ROBO2: variants seen among roughly 807,000 people sequenced by gnomAD.
ROBO2 encodes roundabout guidance receptor 2.
A neutral mutation model predicts 160.8 loss-of-function variants in ROBO2; 53 were observed. The observed-to-expected ratio is 0.33, with a 90% CI of 0.26 to 0.41. The LOEUF (loss-of-function observed/expected upper bound fraction) is 0.41. Among genes scored for constraint, ROBO2 ranks in the 10% least tolerant of loss-of-function variants. The pLI is 1.00. For missense variants in ROBO2, 1,577 were observed against 1,722.4 expected, an observed-to-expected ratio of 0.92 and a Z score of 1.49; for synonymous variants, 664 against 611.7, an observed-to-expected ratio of 1.09 and a Z score of -1.26.
exon 26 of ROBO2, chr3:77,646,461 A>G (rs2095413457): frequency 6.2e-6 from 1 of 162,498 alleles, no homozygotes; most frequent in South Asian, 2.0e-4. Context: ...TTAACTTTTA[A>G]TTGTGTAACT....
chr3:76,811,905 C>G (rs1217270117), intron 2 of ROBO2, among the ~76,000 whole-genome samples: 2 of 146,812 alleles, frequency 1.4e-5, no homozygotes, highest in African/African-American at 5.1e-5. Flanking sequence ...GGGTCTCATT[C>G]TGTATCCCAC....
At chr3:76,862,802 A>G (rs1358067556) in intron 2 of ROBO2, among the ~76,000 whole-genome samples, 4 of 152,100 alleles carry the variant, frequency 2.6e-5, no homozygotes, top group African/African-American at 9.7e-5. Flanking sequence ...ATCAATATAG[A>G]TTAAAAACAA....
chr3:76,335,180 T>G (rs953889675), intron 2 of ROBO2, among the ~76,000 whole-genome samples: 2 of 34,222 alleles, frequency 5.8e-5, no homozygotes, highest in Non-Finnish European at 1.1e-4. Context: ...TCTGTTTTGT[T>G]TTTTTTTTTT....
chr3:76,562,346 T>C (rs1478133544), intron 2 of ROBO2, among the ~76,000 whole-genome samples: 1 of 152,036 alleles, frequency 6.6e-6, no homozygotes, highest in Non-Finnish European at 1.5e-5. Flanking sequence ...ATGATTAGAA[T>C]GAATGAATAC....
intron 2 of ROBO2, among the ~76,000 whole-genome samples, chr3:77,252,807 C>CAAAAAAAAAAA (rs1182786373): frequency 4.7e-4 from 15 of 32,054 alleles, no homozygotes; most frequent in African/African-American, 2.0e-3. Context: ...GACTCCATCT[C>CAAAAAAAAAAA]AAAAAAAAAA....
chr3:76,538,640 G>A (rs1017631728), intron 2 of ROBO2, among the ~76,000 whole-genome samples: 1 of 152,124 alleles, frequency 6.6e-6, no homozygotes, highest in Non-Finnish European at 1.5e-5. Flanking sequence ...TGCTACAGAG[G>A]GAACTTGTGT....
chr3:77,577,343 A>T (rs1047049851), intron 14 of ROBO2, 147 bp from the exon 16 acceptor site: 1 of 865,440 alleles, frequency 1.2e-6, no homozygotes, highest in Non-Finnish European at 1.9e-6. Context: ...TTTCTCAAAA[A>T]AACTGTCACT....
At chr3:77,286,705 T>A (rs2060626976) in intron 2 of ROBO2, among the ~76,000 whole-genome samples, 1 of 152,222 alleles carries the variant, frequency 6.6e-6, no homozygotes, top group African/African-American at 2.4e-5. Flanking sequence ...CTGAAACTGT[T>A]TTCTGCTTTC....
chr3:76,008,154 G>A (rs997726972), intron 2 of ROBO2, among the ~76,000 whole-genome samples: 4 of 141,910 alleles, frequency 2.8e-5, no homozygotes, highest in Admixed American at 2.3e-4. Flanking sequence ...AGAATTGCTC[G>A]AACCTGGGAG....
intron 2 of ROBO2, among the ~76,000 whole-genome samples, chr3:76,794,598 C>T (rs1008093892): frequency 6.6e-6 from 1 of 151,912 alleles, no homozygotes; most frequent in Non-Finnish European, 1.5e-5. Flanking sequence ...TGTTCTGATA[C>T]TGTTTTAAGC....
chr3:75,978,020 G>A (rs1207847029), intron 2 of ROBO2, among the ~76,000 whole-genome samples: 1 of 151,454 alleles, frequency 6.6e-6, no homozygotes, highest in Non-Finnish European at 1.5e-5. Flanking sequence ...GTTAGTTACA[G>A]TATGTTCCAA....
rs76408953 is a variant in ROBO2, at chr3:76,599,237, T to G, written c.110-498777T>G. ...CTCTCCCTCTTCCTACTCTCCCTGT[T>G]AAGTAGGCCCCAGTGTCTGTTGTTC... On this transcript the variant is annotated intron_variant, in intron 2 of 26. Coordinates refer to the ROBO2 transcript ENST00000487694. Among the ~76,000 whole-genome samples, 976 of 152,206 alleles carry G rather than the reference T, an allele frequency of 6.4e-3. 12 individuals are homozygous for G. Among genetic ancestry groups the G allele is most frequent in the South Asian group, 0.032 (155 of 4,822 alleles).
At chr3:77,642,180 G>A (rs988338819) in intron 24 of ROBO2, among the ~76,000 whole-genome samples, 1 of 152,144 alleles carries the variant, frequency 6.6e-6, no homozygotes, top group Non-Finnish European at 1.5e-5. Context: ...CATGGGTAAA[G>A]GCAGTCATAT....
At chr3:75,998,024 ACT>A (rs1254929245) in intron 2 of ROBO2, among the ~76,000 whole-genome samples, 1 of 152,084 alleles carries the variant, frequency 6.6e-6, no homozygotes, top group East Asian at 1.9e-4. Context: ...AATTTATAAA[ACT>A]CTGACTGAAG....
intron 2 of ROBO2, among the ~76,000 whole-genome samples, chr3:76,988,188 C>T (rs1398815226): frequency 6.6e-6 from 1 of 152,014 alleles, no homozygotes; most frequent in African/African-American, 2.4e-5. Context: ...TTTATTAACC[C>T]TAAAGGTAAG....
chr3:76,170,599 T>C (rs570754743), intron 2 of ROBO2, among the ~76,000 whole-genome samples: 32 of 152,314 alleles, frequency 2.1e-4, no homozygotes, highest in African/African-American at 7.0e-4. Flanking sequence ...GCCAGCTTTT[T>C]CATTCATGAG....
chr3:76,771,959 T>G (rs2061933031), intron 2 of ROBO2, among the ~76,000 whole-genome samples: 1 of 151,288 alleles, frequency 6.6e-6, no homozygotes, highest in South Asian at 2.1e-4. Flanking sequence ...TATGGAAATA[T>G]TGAAGGTACA....
intron 21 of ROBO2, among the ~76,000 whole-genome samples, chr3:77,614,817 C>T (rs1401370929): frequency 6.6e-6 from 1 of 152,180 alleles, no homozygotes; most frequent in African/African-American, 2.4e-5. Context: ...AAATTTCAAA[C>T]TCCTTGTAGG....
At chr3:76,218,927 A>G (rs1703757174) in intron 2 of ROBO2, among the ~76,000 whole-genome samples, 1 of 152,212 alleles carries the variant, frequency 6.6e-6, no homozygotes, top group Admixed American at 6.5e-5. Context: ...ACAAGGCTAC[A>G]GTAACCAAAG....
Sources: gnomAD v4.1 joint callset for allele counts (sites outside exome capture counted in the v4.1 genomes callset) on GRCh38, gnomAD v4.1.1 for gene constraint, MANE v1.5 for transcripts, NCBI Gene and HGNC (gene_info 2026-07-23, HGNC 2026-07-21) for gene names.